TECTB: variants seen among roughly 807,000 people sequenced by gnomAD.
The protein encoded by TECTB is tectorin beta, also known as beta-tectorin.
In TECTB, 45 loss-of-function variants were observed where a neutral mutation model predicts 43.3. The ratio of observed to expected loss-of-function variants is 1.04; its 90% CI spans 0.82 to 1.33. TECTB has a LOEUF of 1.33. Ranked by LOEUF, TECTB falls within the 40% of genes most tolerant of loss-of-function variation. The pLI, the probability that TECTB is intolerant of heterozygous loss-of-function variation, is 0.00. For missense variants in TECTB, 399 were observed against 404.7 expected, an observed-to-expected ratio of 0.99 and a Z score of 0.12; for synonymous variants, 169 against 156.7, an observed-to-expected ratio of 1.08 and a Z score of -0.59.
rs764827713 is a variant in TECTB, at chr10:112,303,516, G to A, written c.*204G>A. ...CTAAGAAAAACTTAGGCTACTTCCCGTGGCCCTTAGATCTCACAGTCCTTC... is the reference window on the plus strand; with the variant it reads ...CTAAGAAAAACTTAGGCTACTTCCCATGGCCCTTAGATCTCACAGTCCTTC... On this transcript the variant is annotated 3_prime_UTR_variant, in exon 11 of 11. Transcript: ENST00000646139. 249 of 625,496 alleles carry A rather than the reference G, an allele frequency of 4.0e-4. 2 individuals are homozygous for A. The highest frequency in any genetic ancestry group is 5.1e-4 in the Non-Finnish European group (184 of 358,504). 38.7% of individuals were successfully genotyped at this position (625,496 alleles called of 1,614,324 possible).
At chr10:112,295,546 C>T (rs1216589400) in intron 7 of TECTB, among the ~76,000 whole-genome samples, 3 of 152,232 alleles carry the variant, frequency 2.0e-5, no homozygotes. Context: ...CGAGGCACAC[C>T]TGTGCAGCCC....
At chr10:112,284,777 C>A (rs1057452504) in intron 3 of TECTB, 52 bp downstream of exon 3, 20 of 1,382,012 alleles carry the variant, frequency 1.4e-5, no homozygotes, top group Middle Eastern at 4.5e-4. Context: ...CAACTGGACC[C>A]AAGAATGAGA....
rs41296127 is a variant in TECTB at position 112,293,754 on chromosome 10, T to A, written c.500T>A (p.Ile167Asn). 4.7e-3 allele frequency: 7,609 copies of A among 1,614,070 alleles called. 27 individuals are homozygous for A. The highest frequency in any genetic ancestry group is 5.7e-3 in the Non-Finnish European group (6,728 of 1,179,960). ...LNFYTNAKFS[I>N]KKEAPFVLEA... ...CTTCCAAAGAATGCCAAGTTCTCCATCAAGAAAGAAGCTCCCTTTGTCCTG... is the reference window on the plus strand; with the variant it reads ...CTTCCAAAGAATGCCAAGTTCTCCAACAAGAAAGAAGCTCCCTTTGTCCTG... The change falls in exon 6 of 11, where the codon ATC becomes AAC. Residue 167 changes from isoleucine to asparagine, a missense_variant. Ile to Asn is a moderately radical substitution (Grantham distance 149). Transcript: ENST00000646139.
At chr10:112,284,438 C>A in intron 2 of TECTB, 97 bp from the exon 3 acceptor site, 3 of 1,250,476 alleles carry the variant, frequency 2.4e-6, no homozygotes, top group Non-Finnish European at 3.1e-6. Context: ...TAACCAACTG[C>A]TTTTGCATGC....
At position 112,294,188 on chromosome 10, in the gene TECTB, C is replaced by T. The variant is rs1432256060; in HGVS notation, c.671+127C>T. ...GCTGGAGTTACAGCAGTGACACCAT[C>T]TGTGGTTCCAGGCAAAGAACAAATA... On this transcript the variant is annotated intron_variant, in intron 7 of 10. Coordinates refer to ENST00000646139, the MANE Select transcript of TECTB (RefSeq NM_058222.3). The T allele has an allele frequency of 5.1e-6, 4 of 777,026 alleles. No individual in the cohort carries two copies. The East Asian group carries it at 7.9e-5, about 15-fold the overall frequency. 48.1% of individuals were successfully genotyped at this position (777,026 alleles called of 1,614,324 possible). A position where few individuals can be genotyped will look rare whatever the true frequency, so the allele number is the denominator to read the frequency against.
chr10:112,303,202 G>C, intron 10 of TECTB, 61 bp from the exon 11 acceptor site: 1 of 1,599,122 alleles, frequency 6.3e-7, no homozygotes, highest in Non-Finnish European at 8.6e-7. Flanking sequence ...CTTCTGTTGA[G>C]TTGGCTTTAC....
At chr10:112,287,987 C>T (rs1202459772) in intron 5 of TECTB, among the ~76,000 whole-genome samples, 1 of 152,044 alleles carries the variant, frequency 6.6e-6, no homozygotes, top group African/African-American at 2.4e-5. Context: ...GACCTATAAT[C>T]GGGGGCTAAA....
chr10:112,300,262 GAAA>G (rs1848591861), intron 9 of TECTB, among the ~76,000 whole-genome samples: 1 of 30,760 alleles, frequency 3.3e-5, no homozygotes, highest in Non-Finnish European at 6.0e-5. Flanking sequence ...AAGAAAGAAA[GAAA>G]GAAAGAAAGA....
intron 9 of TECTB, 33 bp downstream of exon 9, chr10:112,299,597 C>A: frequency 6.2e-7 from 1 of 1,608,998 alleles, no homozygotes; most frequent in Non-Finnish European, 8.5e-7. Context: ...GTTTTCCAAA[C>A]GGTTGAGTTC....
chr10:112,300,275 AAAGAAAAGAAAGAAAG>A (rs1370757505), intron 9 of TECTB, among the ~76,000 whole-genome samples: 4 of 30,398 alleles, frequency 1.3e-4, no homozygotes, highest in East Asian at 1.3e-3. Flanking sequence ...AGAAAGAAAG[AAAGAAAAGAAAGAAAG>A]AAAGAAAGAA....
chr10:112,288,624 C>A (rs1181535959), intron 5 of TECTB, among the ~76,000 whole-genome samples: 1 of 152,188 alleles, frequency 6.6e-6, no homozygotes, highest in African/African-American at 2.4e-5. Context: ...ACTTTCAGAG[C>A]ATTCTTATGT....
intron 9 of TECTB, among the ~76,000 whole-genome samples, chr10:112,299,971 T>C (rs895453127): frequency 1.3e-5 from 2 of 151,760 alleles, no homozygotes. Context: ...GAGACCAGCC[T>C]GACCAACATG....
At chr10:112,291,073 T>C (rs1041789675) in intron 5 of TECTB, among the ~76,000 whole-genome samples, 6 of 152,294 alleles carry the variant, frequency 3.9e-5, no homozygotes, top group African/African-American at 1.4e-4. Flanking sequence ...TATGTCATGG[T>C]GGTTTGCTAC....
chr10:112,298,368 A>ATAAGGGCAGATGCTCG (rs1848567614), intron 8 of TECTB, 137 bp downstream of exon 8: 1 of 1,107,724 alleles, frequency 9.0e-7, no homozygotes, highest in African/African-American at 1.6e-5. Context: ...GGCACTGAGT[A>ATAAGGGCAGATGCTCG]TAAGGGCAGA....
chr10:112,288,673 T>C lies in TECTB; in HGVS notation c.483+2282T>C, dbSNP rs561514528. Among the ~76,000 whole-genome samples the C allele has an allele frequency of 3.3e-5, 5 of 152,274 alleles. No individual in the cohort carries two copies. The South Asian group carries it at 1.0e-3, about 32-fold the overall frequency. ...CAACTGCTCCCTGCATATATTTCCA[T>C]CAAATTACCAGAAAGAGAGCTCTGC... On this transcript the variant is annotated intron_variant, in intron 5 of 10. Coordinates refer to ENST00000646139, the MANE Select transcript of TECTB (RefSeq NM_058222.3).
At chr10:112,302,597 G>C in intron 10 of TECTB, 1 of 348,760 alleles carries the variant, frequency 2.9e-6, no homozygotes. Flanking sequence ...ACATGGCTGT[G>C]GTATAGATAT....
Position 112,304,233 on chromosome 10 carries a change from G to T in TECTB, c.*921G>T, listed in dbSNP as rs1398258215. 6.6e-6 allele frequency: 1 copy of T among 152,124 alleles called. No individual in the cohort carries two copies. Among genetic ancestry groups the T allele is most frequent in the East Asian group, 1.9e-4 (1 of 5,196 alleles). The allele number at this position is 152,124 out of a possible 1,614,324, so 9.4% of individuals were successfully genotyped here. A position where few individuals can be genotyped will look rare whatever the true frequency, so the allele number is the denominator to read the frequency against. On this transcript the variant is annotated 3_prime_UTR_variant, in exon 11 of 11. Transcript: ENST00000646139. ...ACTCAATGCTATTTTTTCTCTATTTGCTCTACTAAGAAGTTTTCATTTATA... is the reference window on the plus strand; with the variant it reads ...ACTCAATGCTATTTTTTCTCTATTTTCTCTACTAAGAAGTTTTCATTTATA...
intron 1 of TECTB, 71 bp from the exon 2 acceptor site, chr10:112,283,577 T>C (rs1469752448): frequency 1.5e-6 from 1 of 652,882 alleles, no homozygotes; most frequent in Non-Finnish European, 2.6e-6. Context: ...CCCTTGAAAA[T>C]TTCCCCAAGA....
At chr10:112,285,225 A>G (rs2133346843) in intron 3 of TECTB, among the ~76,000 whole-genome samples, 1 of 152,352 alleles carries the variant, frequency 6.6e-6, no homozygotes, top group East Asian at 1.9e-4. Flanking sequence ...CTTACCAAGT[A>G]TCATATGACA....
Sources: allele counts gnomAD v4.1 joint callset (sites outside exome capture counted in the v4.1 genomes callset), GRCh38; gene constraint gnomAD v4.1.1; transcripts MANE v1.5; gene names NCBI Gene and HGNC (gene_info 2026-07-23, HGNC 2026-07-21).